TIMD4: variants seen among roughly 807,000 people sequenced by gnomAD.
TIMD4 encodes T-cell immunoglobulin and mucin domain-containing protein 4.
In TIMD4, 31 loss-of-function variants were observed where a neutral mutation model predicts 41.2. The ratio of observed to expected loss-of-function variants is 0.75; its 90% confidence interval spans 0.57 to 1.01. The LOEUF (loss-of-function observed/expected upper bound fraction) is 1.01, where lower values mean the gene tolerates loss of function less well. Ranked by LOEUF, TIMD4 falls within the 50% of genes least tolerant of loss-of-function variation. TIMD4 has a pLI of 0.00. For synonymous variants in TIMD4, 204 were observed against 177.1 expected (o/e 1.15, Z -1.21); for missense variants, 479 against 472.5 (o/e 1.01, Z -0.13).
At chr5:156,926,418 TTTAA>T (rs1759348992) in intron 5 of TIMD4, 106 bp from the exon 6 acceptor site, 4 of 1,051,880 alleles carry the variant, frequency 3.8e-6, no homozygotes, top group Admixed American at 4.0e-5. Context: ...AGCTGATGTG[TTTAA>T]TTATTTAATC....
chr5:156,948,251 C>A (rs1759781891), intron 5 of TIMD4, among the ~76,000 whole-genome samples, 165 bp downstream of exon 5: 1 of 150,810 alleles, frequency 6.6e-6, no homozygotes, highest in Non-Finnish European at 1.5e-5. Context: ...CTTTGAGAGG[C>A]CAAGGCAGGA....
At chr5:156,962,859 A>C (rs574201994) in intron 1 of TIMD4, among the ~76,000 whole-genome samples, 7 of 152,286 alleles carry the variant, frequency 4.6e-5, no homozygotes, top group African/African-American at 1.7e-4. Flanking sequence ...CTTTTCCCCA[A>C]TTTATCTGAC....
At chr5:156,928,130 T>TAAAATAA (rs1759381611) in intron 5 of TIMD4, among the ~76,000 whole-genome samples, 1 of 151,968 alleles carries the variant, frequency 6.6e-6, no homozygotes, top group African/African-American at 2.4e-5. Context: ...ATGCTGAAAC[T>TAAAATAA]AAAATACAAC....
chr5:156,939,687 C>A (rs1462600549), intron 5 of TIMD4, among the ~76,000 whole-genome samples: 2 of 152,204 alleles, frequency 1.3e-5, no homozygotes, highest in Non-Finnish European at 2.9e-5. Flanking sequence ...TTGACCCATT[C>A]TCCCAACTGC....
At chr5:156,919,630 C>A (rs1581603799) in intron 8 of TIMD4, 89 bp from the exon 9 acceptor site, 1 of 1,041,684 alleles carries the variant, frequency 9.6e-7, no homozygotes, top group East Asian at 2.5e-5. Flanking sequence ...GTGCAATTAC[C>A]CTTAAAGTTC....
In TIMD4 at chr5:156,954,362, C is replaced by T. The variant is rs556271265; in HGVS notation, c.400+53G>A. ...ACCACCATCCACTGATCCCATTGTC[C>T]ATTAACCACTGAATCTCTCCTTCCG... On this transcript the variant is annotated intron_variant, in intron 2 of 8. Coordinates refer to ENST00000274532, the MANE Select transcript of TIMD4 (RefSeq NM_138379.3). 25 of 1,528,522 alleles carry T rather than the reference C, an allele frequency of 1.6e-5. No individual in the cohort carries two copies. The East Asian group carries it at 4.3e-4, about 26-fold the overall frequency. 94.7% of individuals were successfully genotyped at this position (1,528,522 alleles called of 1,614,324 possible).
chr5:156,935,618 A>G (rs967752560), intron 5 of TIMD4: 1 of 152,196 alleles, frequency 6.6e-6, no homozygotes, highest in Non-Finnish European at 1.5e-5. Flanking sequence ...AAATGGTGAG[A>G]TACTGTCACA....
chr5:156,930,324 T>TG (rs1214086427), intron 5 of TIMD4, among the ~76,000 whole-genome samples: 1 of 152,106 alleles, frequency 6.6e-6, no homozygotes, highest in African/African-American at 2.4e-5. Flanking sequence ...ATATTGCCAG[T>TG]GAAAAAAATG....
chr5:156,928,931 T>G (rs1459797403), intron 5 of TIMD4, among the ~76,000 whole-genome samples: 2 of 152,236 alleles, frequency 1.3e-5, no homozygotes, highest in African/African-American at 4.8e-5. Context: ...AAAGCCAGCC[T>G]GGGTCAGTTT....
At chr5:156,956,035 T>G (rs1340229514) in intron 1 of TIMD4, among the ~76,000 whole-genome samples, 1 of 152,226 alleles carries the variant, frequency 6.6e-6, no homozygotes, top group Admixed American at 6.5e-5. Context: ...GATTAATTAC[T>G]GTGGTCACCA....
At chr5:156,937,589 G>A (rs1168467738) in intron 5 of TIMD4, among the ~76,000 whole-genome samples, 2 of 152,210 alleles carry the variant, frequency 1.3e-5, no homozygotes, top group Non-Finnish European at 1.5e-5. Flanking sequence ...TATTTCAACA[G>A]CTCACCCCTT....
chr5:156,920,733 G>T (rs1213553428), intron 7 of TIMD4, among the ~76,000 whole-genome samples: 1 of 152,198 alleles, frequency 6.6e-6, no homozygotes, highest in East Asian at 1.9e-4. Flanking sequence ...CTGGGCAATG[G>T]TGTTAAGCTA....
At chr5:156,942,078 G>A (rs1759660743) in intron 5 of TIMD4, among the ~76,000 whole-genome samples, 1 of 152,176 alleles carries the variant, frequency 6.6e-6, no homozygotes, top group South Asian at 2.1e-4. Flanking sequence ...AAAGAAAAAT[G>A]TTGTTATTGT....
chr5:156,934,816 A>G (rs1759509584), intron 5 of TIMD4, among the ~76,000 whole-genome samples: 2 of 152,212 alleles, frequency 1.3e-5, no homozygotes, highest in Admixed American at 6.5e-5. Context: ...CGAGCCAGAA[A>G]TCAACGGAAA....
intron 2 of TIMD4, 89 bp from the exon 3 acceptor site, chr5:156,951,879 G>A: frequency 6.4e-7 from 1 of 1,557,422 alleles, no homozygotes; most frequent in Non-Finnish European, 8.7e-7. Context: ...ATCCATTTCT[G>A]TTGTCCTCAC....
chr5:156,956,722 G>T (rs1041916324), intron 1 of TIMD4, among the ~76,000 whole-genome samples: 1 of 152,212 alleles, frequency 6.6e-6, no homozygotes, highest in Non-Finnish European at 1.5e-5. Context: ...CCCCAAAAAT[G>T]CTATTGAAGT....
intron 1 of TIMD4, among the ~76,000 whole-genome samples, chr5:156,957,524 AGAAAAAAG>A (rs1759995481): frequency 7.0e-6 from 1 of 142,708 alleles, no homozygotes; most frequent in African/African-American, 2.7e-5. Flanking sequence ...AAAAAAAAAA[AGAAAAAAG>A]AAAAAGAAAA....
At chr5:156,942,848 AAAC>A (rs1483285848) in intron 5 of TIMD4, among the ~76,000 whole-genome samples, 1 of 152,234 alleles carries the variant, frequency 6.6e-6, no homozygotes, top group Non-Finnish European at 1.5e-5. Flanking sequence ...CATGAGAACA[AAAC>A]AACTGAGAGG....
chr5:156,947,105 C>T (rs373775956), intron 5 of TIMD4, among the ~76,000 whole-genome samples: 4 of 151,710 alleles, frequency 2.6e-5, no homozygotes, highest in South Asian at 4.2e-4. Context: ...GGCTAAGGCA[C>T]GAGAATCACT....
Sources: allele counts gnomAD v4.1 joint callset (sites outside exome capture counted in the v4.1 genomes callset), GRCh38; gene constraint gnomAD v4.1.1; transcripts MANE v1.5; gene names NCBI Gene and HGNC (gene_info 2026-07-23, HGNC 2026-07-21).